Variants in AKAP6 observed in about 807,000 individuals in gnomAD.
The protein encoded by AKAP6 is A-kinase anchor protein 6.
Under a neutral mutation model 188.5 loss-of-function variants are expected in AKAP6, and 58 were observed. The ratio of observed to expected loss-of-function variants is 0.31; its 90% CI spans 0.25 to 0.38. The LOEUF is 0.38. AKAP6 is among the 10% of genes least tolerant of loss of function. The probability of loss-of-function intolerance (pLI) is 1.00; values close to 1 mark genes in which losing one functional copy is unlikely to be tolerated. For missense variants in AKAP6, 2,710 were observed against 2,740.0 expected, an observed-to-expected ratio of 0.99 and a Z score of 0.24; for synonymous variants, 989 against 998.6, an observed-to-expected ratio of 0.99 and a Z score of 0.18.
intron 1 of AKAP6, among the ~76,000 whole-genome samples, chr14:32,419,425 C>A (rs970924143): frequency 1.3e-5 from 2 of 152,136 alleles, no homozygotes; most frequent in African/African-American, 4.8e-5. Context: ...GAAATGTCTT[C>A]TGTTTATGAA....
Position 32,733,238 on chromosome 14 carries a change from G to A in AKAP6, c.3147+638G>A, listed in dbSNP as rs1277671925. The A allele has an allele frequency of 2.6e-5, 4 of 154,694 alleles. No homozygotes were observed. In the East Asian group the frequency reaches 7.7e-4, roughly 30 times the overall value. 9.6% of individuals were successfully genotyped at this position (154,694 alleles called of 1,614,324 possible). Reference sequence around the variant, plus strand: ...CTGAGATGCAAGAATCTGGCAAAAAGGCAATATAGAGATTCTGTTACCCAG... The same window carrying A: ...CTGAGATGCAAGAATCTGGCAAAAAAGCAATATAGAGATTCTGTTACCCAG... On this transcript the variant is annotated intron_variant, in intron 10 of 13. Coordinates refer to ENST00000280979, the MANE Select transcript of AKAP6 (RefSeq NM_004274.5).
chr14:32,584,892 G>T (rs1294615811), intron 5 of AKAP6, among the ~76,000 whole-genome samples: 1 of 152,132 alleles, frequency 6.6e-6, no homozygotes, highest in Non-Finnish European at 1.5e-5. Flanking sequence ...CCATTCACCT[G>T]TTGATGGACA....
At chr14:32,466,065 G>A (rs1878405150) in intron 2 of AKAP6, among the ~76,000 whole-genome samples, 1 of 152,190 alleles carries the variant, frequency 6.6e-6, no homozygotes. Context: ...TCATTAAAAA[G>A]TCAGGAAACA....
At chr14:32,581,924 C>T (rs1438421232) in intron 5 of AKAP6, among the ~76,000 whole-genome samples, 12 of 152,266 alleles carry the variant, frequency 7.9e-5, no homozygotes, top group East Asian at 1.9e-4. Flanking sequence ...ATACAGCACA[C>T]GGATGGGTCT....
chr14:32,697,965 T>A (rs1007361468), intron 9 of AKAP6, among the ~76,000 whole-genome samples: 2 of 152,176 alleles, frequency 1.3e-5, no homozygotes, highest in Non-Finnish European at 2.9e-5. Flanking sequence ...CTGTCACCAT[T>A]CTTCTGCTTT....
intron 12 of AKAP6, among the ~76,000 whole-genome samples, chr14:32,806,686 A>T (rs1440878273): frequency 1.3e-5 from 2 of 152,146 alleles, no homozygotes; most frequent in East Asian, 3.9e-4. Flanking sequence ...CCCTACACAC[A>T]CAAAAAAACT....
At chr14:32,472,738 A>T (rs1276670926) in intron 2 of AKAP6, among the ~76,000 whole-genome samples, 1 of 152,096 alleles carries the variant, frequency 6.6e-6, no homozygotes, top group Non-Finnish European at 1.5e-5. Flanking sequence ...GTTCCCTCTT[A>T]TGTCAGCTTG....
At chr14:32,556,341 C>CT (rs1047624076) in intron 4 of AKAP6, among the ~76,000 whole-genome samples, 10 of 151,852 alleles carry the variant, frequency 6.6e-5, no homozygotes, top group African/African-American at 2.2e-4. Flanking sequence ...GTTATATATT[C>CT]TTTTTTTGTT....
At chr14:32,567,667 C>A (rs1884262286) in intron 4 of AKAP6, among the ~76,000 whole-genome samples, 1 of 152,098 alleles carries the variant, frequency 6.6e-6, no homozygotes, top group African/African-American at 2.4e-5. Context: ...TCTTAGTATT[C>A]TGCAAATACT....
intron 4 of AKAP6, among the ~76,000 whole-genome samples, chr14:32,563,699 CCT>C (rs1037084814): frequency 5.9e-5 from 9 of 152,230 alleles, no homozygotes; most frequent in African/African-American, 2.2e-4. Flanking sequence ...GTTCCTGCAC[CCT>C]CTTCTCTGTA....
At chr14:32,353,497 G>A (rs973343788) in intron 1 of AKAP6, among the ~76,000 whole-genome samples, 8 of 152,176 alleles carry the variant, frequency 5.3e-5, no homozygotes, top group African/African-American at 1.9e-4. Flanking sequence ...GGCGGTAGAG[G>A]TTGCAGTGAG....
chr14:32,540,192 A>ATATATATATATT (rs1406480125), intron 3 of AKAP6, among the ~76,000 whole-genome samples: 1 of 123,422 alleles, frequency 8.1e-6, no homozygotes, highest in African/African-American at 3.1e-5. Context: ...ATATATATAT[A>ATATATATATATT]TTTTAATTTT....
At chr14:32,418,773 A>G (rs1308934853) in intron 1 of AKAP6, among the ~76,000 whole-genome samples, 2 of 152,188 alleles carry the variant, frequency 1.3e-5, no homozygotes, top group African/African-American at 4.8e-5. Context: ...ATTGAGCAAG[A>G]TAATAAATAA....
chr14:32,640,775 A>G (rs1275015194), intron 7 of AKAP6, among the ~76,000 whole-genome samples: 3 of 152,196 alleles, frequency 2.0e-5, no homozygotes, highest in African/African-American at 4.8e-5. Context: ...GCTAAGCTTC[A>G]AAGAATGTGA....
chr14:32,664,475 T>C (rs1316392095), intron 7 of AKAP6, among the ~76,000 whole-genome samples: 1 of 152,122 alleles, frequency 6.6e-6, no homozygotes, highest in Admixed American at 6.6e-5. Flanking sequence ...TTTTGAGTTT[T>C]AATTTAGGTT....
chr14:32,598,809 G>A lies in AKAP6; in HGVS notation c.2470-601G>A, dbSNP rs557431394. On this transcript the variant is annotated intron_variant, in intron 5 of 13. Transcript: ENST00000280979. Reference sequence around the variant, plus strand: ...ATAACTATCATGAGTGAAAAATGCCGGATTGTGCTTGATGTATTTGTTTAC... The same window carrying A: ...ATAACTATCATGAGTGAAAAATGCCAGATTGTGCTTGATGTATTTGTTTAC... Among the ~76,000 whole-genome samples the A allele has an allele frequency of 1.1e-4, 16 of 152,110 alleles. No individual in the cohort carries two copies. The East Asian group carries it at 2.1e-3, about 20-fold the overall frequency.
chr14:32,526,497 G>A (rs1360587960), intron 2 of AKAP6, among the ~76,000 whole-genome samples: 1 of 152,130 alleles, frequency 6.6e-6, no homozygotes, highest in Non-Finnish European at 1.5e-5. Context: ...CCCCCACAAA[G>A]TGCTGGCATT....
Position 32,546,211 on chromosome 14 carries a change from C to G in AKAP6, c.1558C>G (p.Gln520Glu), listed in dbSNP as rs369817829. Reference protein sequence around the residue: ...TPKRGTGSGKQAKNTKSSAVP... With the variant: ...TPKRGTGSGKEAKNTKSSAVP... ...TAAACGGGGGACTGGTTCAGGCAAA[C>G]AAGCTAAAAATACAAAGAGCTCAGC... Residue 520 changes from glutamine (Q) to glutamate (E), a missense_variant, in exon 4 of 14, where the codon CAA (glutamine) becomes GAA (glutamate). By Grantham distance (29) the Gln-to-Glu change is conservative. Transcript: ENST00000280979. 11 of 1,614,054 alleles carry G rather than the reference C, an allele frequency of 6.8e-6. No individual in the cohort carries two copies. The African/African-American group carries it at 8.0e-5, about 12-fold the overall frequency.
intron 1 of AKAP6, among the ~76,000 whole-genome samples, chr14:32,379,670 C>T (rs1040056099): frequency 6.6e-6 from 1 of 152,032 alleles, no homozygotes; most frequent in Admixed American, 6.5e-5. Flanking sequence ...GCTTGAGCTC[C>T]GTATCTCTGA....
Sources: allele counts gnomAD v4.1 joint callset (sites outside exome capture counted in the v4.1 genomes callset), GRCh38; gene constraint gnomAD v4.1.1; transcripts MANE v1.5; gene names NCBI Gene and HGNC (gene_info 2026-07-23, HGNC 2026-07-21).